Variants in MAGI1 observed in about 807,000 individuals in gnomAD.
MAGI1 encodes membrane-associated guanylate kinase, WW and PDZ domain-containing protein 1.
MAGI1 carries 58 observed loss-of-function variants against 139.9 expected under a neutral mutation model. That is an observed-to-expected ratio of 0.41 (90% CI 0.34 to 0.52). The LOEUF (loss-of-function observed/expected upper bound fraction) is 0.52, where lower values mean the gene tolerates loss of function less well. Ranked by LOEUF, MAGI1 falls within the 20% of genes least tolerant of loss-of-function variation. The probability of loss-of-function intolerance (pLI) is 0.12; values close to 1 mark genes in which losing one functional copy is unlikely to be tolerated. For synonymous variants in MAGI1, 812 were observed against 737.9 expected (o/e 1.10, Z -1.63); for missense variants, 1,874 against 1,901.6 (o/e 0.99, Z 0.27).
intron 2 of MAGI1, among the ~76,000 whole-genome samples, chr3:65,504,401 A>T (rs1050421119): frequency 6.6e-6 from 1 of 152,268 alleles, no homozygotes; most frequent in Admixed American, 6.5e-5. Flanking sequence ...ACTATAAAGT[A>T]GTTAATATTA....
At chr3:65,688,252 T>C in intron 1 of MAGI1, 1 of 842,686 alleles carries the variant, frequency 1.2e-6, no homozygotes, top group Non-Finnish European at 2.0e-6. Context: ...CAGACTCTGG[T>C]CTGAATCCTC....
chr3:65,449,279 T>TA (rs1320012453), intron 6 of MAGI1, among the ~76,000 whole-genome samples: 1 of 151,970 alleles, frequency 6.6e-6, no homozygotes, highest in African/African-American at 2.4e-5. Flanking sequence ...ATAATAATAA[T>TA]AAAAAAATGA....
chr3:65,838,612 C>A (rs2058707389), intron 1 of MAGI1, among the ~76,000 whole-genome samples: 4 of 152,124 alleles, frequency 2.6e-5, no homozygotes, highest in Admixed American at 2.6e-4. Flanking sequence ...CATGGATGTA[C>A]CACAGTTTGC....
At chr3:65,522,511 T>A (rs997483883) in intron 2 of MAGI1, among the ~76,000 whole-genome samples, 31 of 152,286 alleles carry the variant, frequency 2.0e-4, no homozygotes, top group African/African-American at 6.5e-4. Context: ...AAGGGTACAC[T>A]TTCTAGACCC....
At chr3:65,776,913 C>T (rs968150915) in intron 1 of MAGI1, among the ~76,000 whole-genome samples, 1 of 152,194 alleles carries the variant, frequency 6.6e-6, no homozygotes, top group Admixed American at 6.5e-5. Context: ...CTGCACTGAA[C>T]AGGGCTCCCT....
chr3:65,700,603 G>C (rs1457527264), intron 1 of MAGI1, among the ~76,000 whole-genome samples: 1 of 152,016 alleles, frequency 6.6e-6, no homozygotes, highest in East Asian at 1.9e-4. Flanking sequence ...TGGCTGCCCT[G>C]GATCTACTTA....
intron 1 of MAGI1, chr3:65,844,290 C>G: frequency 2.8e-6 from 1 of 361,074 alleles, no homozygotes; most frequent in Non-Finnish European, 5.4e-6. Context: ...AGAGCTCACA[C>G]GGTCAGATTA....
intron 2 of MAGI1, among the ~76,000 whole-genome samples, chr3:65,530,838 TACACACACAC>T (rs1350712440): frequency 1.1e-5 from 1 of 94,656 alleles, no homozygotes; most frequent in Non-Finnish European, 2.0e-5. Flanking sequence ...TATATATATA[TACACACACAC>T]ACACACATAT....
In MAGI1 at chr3:65,860,734, G is replaced by T. The variant is rs567104636; in HGVS notation, c.313+177262C>A. ...GGCAGGATGCGTGCGGTAGGTTCAC[G>T]GTGAGGAATATTCCCTCTTCCATTT... On this transcript the variant is annotated intron_variant, in intron 1 of 22. Transcript: ENST00000402939. Among the ~76,000 whole-genome samples the T allele has an allele frequency of 2.0e-5, 3 of 152,268 alleles. No individual in the cohort carries two copies. In the East Asian group the frequency reaches 5.8e-4, roughly 29 times the overall value.
intron 12 of MAGI1, among the ~76,000 whole-genome samples, chr3:65,404,145 A>C (rs964525430): frequency 6.6e-6 from 1 of 152,184 alleles, no homozygotes; most frequent in African/African-American, 2.4e-5. Context: ...GATCAGAGGG[A>C]CTCATTTAAG....
intron 1 of MAGI1, among the ~76,000 whole-genome samples, chr3:65,967,172 C>T (rs2064791729): frequency 6.6e-6 from 1 of 152,072 alleles, no homozygotes; most frequent in Non-Finnish European, 1.5e-5. Flanking sequence ...AGAAACATCA[C>T]TGAAAAAGCC....
chr3:65,602,574 A>G (rs1030128242), intron 2 of MAGI1, among the ~76,000 whole-genome samples: 2 of 152,154 alleles, frequency 1.3e-5, no homozygotes, highest in African/African-American at 2.4e-5. Flanking sequence ...TAATGCATAT[A>G]GGGTTTCTTT....
intron 1 of MAGI1, among the ~76,000 whole-genome samples, chr3:65,939,610 T>C (rs529100506): frequency 6.6e-6 from 1 of 152,014 alleles, no homozygotes; most frequent in East Asian, 1.9e-4. Context: ...TAAGTAGGAG[T>C]GTCATAGGCT....
chr3:65,832,909 A>G (rs1391384724), intron 1 of MAGI1, among the ~76,000 whole-genome samples: 1 of 152,230 alleles, frequency 6.6e-6, no homozygotes, highest in Admixed American at 6.5e-5. Flanking sequence ...TTCACCCAGT[A>G]TATGACTGTA....
At chr3:65,874,808 T>C (rs1423437127) in intron 1 of MAGI1, 1 of 152,552 alleles carries the variant, frequency 6.6e-6, no homozygotes, top group Non-Finnish European at 1.5e-5. Flanking sequence ...TGTACATGAA[T>C]ATCCATAGCA....
chr3:65,441,884 T>A (rs1242488541), intron 8 of MAGI1, among the ~76,000 whole-genome samples: 1 of 152,182 alleles, frequency 6.6e-6, no homozygotes. Context: ...TTTTTCATCT[T>A]GTGTTCATAT....
intron 1 of MAGI1, among the ~76,000 whole-genome samples, chr3:65,777,720 A>G (rs6808039): frequency 0.53 from 79,801 of 151,410 alleles, 21,485 homozygotes; most frequent in Admixed American, 0.6. Flanking sequence ...AAAAGATAGA[A>G]AACAAATGTA....
At chr3:65,457,938 C>T (rs1190913481) in intron 5 of MAGI1, among the ~76,000 whole-genome samples, 1 of 152,074 alleles carries the variant, frequency 6.6e-6, no homozygotes, top group African/African-American at 2.4e-5. Flanking sequence ...TCCACTTCCC[C>T]TTACCACCAC....
chr3:65,519,423 T>C (rs1288659284), intron 2 of MAGI1, among the ~76,000 whole-genome samples: 1 of 151,812 alleles, frequency 6.6e-6, no homozygotes, highest in East Asian at 1.9e-4. Context: ...TCTTGCTCTG[T>C]TGCCCAGGCT....
Sources: allele counts gnomAD v4.1 joint callset (sites outside exome capture counted in the v4.1 genomes callset), GRCh38; gene constraint gnomAD v4.1.1; transcripts MANE v1.5; gene names NCBI Gene and HGNC (gene_info 2026-07-23, HGNC 2026-07-21).